ARHGAP26: variants seen among roughly 807,000 people sequenced by gnomAD.
ARHGAP26 encodes Rho GTPase activating protein 26.
Under a neutral mutation model 104.8 loss-of-function variants are expected in ARHGAP26, and 38 were observed. The ratio of observed to expected loss-of-function variants is 0.36; its 90% confidence interval spans 0.28 to 0.48. ARHGAP26 has a LOEUF of 0.48. ARHGAP26 is among the 20% of genes least tolerant of loss of function. The pLI is 0.99. For synonymous variants in ARHGAP26, 341 were observed against 340.0 expected, an observed-to-expected ratio of 1.00 and a Z score of -0.03; for missense variants, 704 against 947.9, an observed-to-expected ratio of 0.74 and a Z score of 3.38.
rs1272664096 is a variant in ARHGAP26 at position 142,798,871 on chromosome 5, T to G, written c.154+27956T>G. Among the ~76,000 whole-genome samples, 10 of 152,314 alleles carry G rather than the reference T, an allele frequency of 6.6e-5. No individual in the cohort carries two copies. The East Asian group carries it at 1.9e-3, about 29-fold the overall frequency. On this transcript the variant is annotated intron_variant, in intron 1 of 22. Coordinates refer to ENST00000645722, the MANE Select transcript of ARHGAP26 (RefSeq NM_001135608.3). Reference sequence around the variant, plus strand: ...AGGGCTGTGGGATATATGGCTGACCTGAGAAAAGAATGCAGCTCTCATTGC... The same window carrying G: ...AGGGCTGTGGGATATATGGCTGACCGGAGAAAAGAATGCAGCTCTCATTGC...
chr5:143,114,895 A>G (rs1795221170), intron 17 of ARHGAP26, among the ~76,000 whole-genome samples: 1 of 152,032 alleles, frequency 6.6e-6, no homozygotes, highest in African/African-American at 2.4e-5. Context: ...TGGGCTTTGT[A>G]TGGTGGGGGA....
At chr5:142,882,314 A>C (rs1473628199) in intron 4 of ARHGAP26, among the ~76,000 whole-genome samples, 1 of 152,214 alleles carries the variant, frequency 6.6e-6, no homozygotes, top group Non-Finnish European at 1.5e-5. Flanking sequence ...AAATGCTTAA[A>C]ACGGTGTCTG....
At chr5:142,932,778 T>G (rs138484319) in intron 11 of ARHGAP26, among the ~76,000 whole-genome samples, 33 of 152,332 alleles carry the variant, frequency 2.2e-4, no homozygotes, top group African/African-American at 7.9e-4. Flanking sequence ...AAGGAAGAAG[T>G]AGGCCATGGG....
intron 19 of ARHGAP26, among the ~76,000 whole-genome samples, chr5:143,134,787 A>T (rs1395098712): frequency 6.6e-6 from 1 of 152,224 alleles, no homozygotes; most frequent in Non-Finnish European, 1.5e-5. Flanking sequence ...GAGAGCCTCC[A>T]TTTGCTCATC....
At chr5:143,190,012 T>A (rs1243244927) in intron 20 of ARHGAP26, among the ~76,000 whole-genome samples, 1 of 150,602 alleles carries the variant, frequency 6.6e-6, no homozygotes, top group Non-Finnish European at 1.5e-5. Context: ...TACTACATCT[T>A]TGGAGGACAG....
chr5:143,030,360 G>A (rs1442169933), intron 12 of ARHGAP26, among the ~76,000 whole-genome samples: 9 of 152,202 alleles, frequency 5.9e-5, no homozygotes, highest in Admixed American at 5.2e-4. Flanking sequence ...CACACCACAT[G>A]CAGCTCAATG....
rs1811476907 is a variant in ARHGAP26, at chr5:143,224,169, T to C, written c.*1723T>C. On this transcript the variant is annotated 3_prime_UTR_variant, in exon 23 of 23. Transcript: ENST00000645722. ...TGATTTGAAATACTATATGGCAAAG[T>C]TTTATATTTGATATTCTTTAAGTTA... 4.3e-6 allele frequency: 1 copy of C among 230,348 alleles called. No homozygotes were observed. Among genetic ancestry groups the C allele is most frequent in the African/African-American group, 2.2e-5 (1 of 45,096 alleles). The allele number at this position is 230,348 out of a possible 1,614,324, so 14.3% of individuals were successfully genotyped here.
rs937133080 is a variant in ARHGAP26, at chr5:142,771,615, A to G, written c.154+700A>G. Among the ~76,000 whole-genome samples the G allele has an allele frequency of 5.3e-5, 8 of 152,364 alleles. No individual in the cohort carries two copies. In the East Asian group the frequency reaches 1.5e-3, roughly 29 times the overall value. Reference sequence around the variant, plus strand: ...AAACTGTGGGCGAGGGTTTAAAAATAGAATGTACATATCCCAACTCTCTCC... The same window carrying G: ...AAACTGTGGGCGAGGGTTTAAAAATGGAATGTACATATCCCAACTCTCTCC... On this transcript the variant is annotated intron_variant, in intron 1 of 22. Transcript: ENST00000645722.
intron 17 of ARHGAP26, among the ~76,000 whole-genome samples, chr5:143,062,669 A>C (rs1213837645): frequency 1.3e-5 from 2 of 152,220 alleles, no homozygotes; most frequent in Non-Finnish European, 2.9e-5. Context: ...TATAAAAAAA[A>C]GTCTTGCCAG....
At chr5:142,841,012 T>G (rs1770683727) in intron 1 of ARHGAP26, among the ~76,000 whole-genome samples, 1 of 152,220 alleles carries the variant, frequency 6.6e-6, no homozygotes, top group Admixed American at 6.5e-5. Flanking sequence ...ACTGGATCTA[T>G]AACAGGTTAT....
At chr5:142,806,955 C>G (rs192703431) in intron 1 of ARHGAP26, among the ~76,000 whole-genome samples, 3 of 152,316 alleles carry the variant, frequency 2.0e-5, no homozygotes, top group African/African-American at 7.2e-5. Flanking sequence ...TGATATAGAA[C>G]AGCAGCACTG....
At chr5:143,007,990 A>G (rs931834114) in intron 11 of ARHGAP26, among the ~76,000 whole-genome samples, 1 of 152,228 alleles carries the variant, frequency 6.6e-6, no homozygotes, top group African/African-American at 2.4e-5. Context: ...TTAGCCATTT[A>G]TCCCATAGGG....
intron 1 of ARHGAP26, chr5:142,771,159 G>A (rs1023075413): frequency 4.6e-6 from 6 of 1,292,040 alleles, no homozygotes; most frequent in Non-Finnish European, 3.9e-6. Context: ...CCCAGCGCGG[G>A]TGGTGCTCTG....
At chr5:143,190,812 T>C (rs1805818690) in intron 20 of ARHGAP26, among the ~76,000 whole-genome samples, 1 of 152,206 alleles carries the variant, frequency 6.6e-6, no homozygotes, top group Admixed American at 6.5e-5. Context: ...ATCTTACTAC[T>C]CAATAAGAAC....
chr5:143,101,389 T>C (rs1793211019), intron 17 of ARHGAP26, among the ~76,000 whole-genome samples: 1 of 152,208 alleles, frequency 6.6e-6, no homozygotes, highest in Admixed American at 6.5e-5. Context: ...ACACCTTCTA[T>C]TTCTGCTCAG....
At chr5:142,845,384 C>A (rs944158004) in intron 1 of ARHGAP26, among the ~76,000 whole-genome samples, 1 of 152,130 alleles carries the variant, frequency 6.6e-6, no homozygotes, top group African/African-American at 2.4e-5. Flanking sequence ...TTAAGAATAG[C>A]AAATGTCCAA....
chr5:143,205,120 C>T (rs1347722021), intron 20 of ARHGAP26, among the ~76,000 whole-genome samples: 2 of 152,100 alleles, frequency 1.3e-5, no homozygotes, highest in Non-Finnish European at 2.9e-5. Flanking sequence ...GGACTCAAGA[C>T]AGAGTCAAGG....
intron 10 of ARHGAP26, among the ~76,000 whole-genome samples, chr5:142,924,954 T>C (rs1436017960): frequency 6.6e-6 from 1 of 152,156 alleles, no homozygotes; most frequent in African/African-American, 2.4e-5. Context: ...ATGGATGACT[T>C]TATAACATGT....
chr5:142,909,504 T>A (rs1006709901), intron 9 of ARHGAP26, among the ~76,000 whole-genome samples: 1 of 152,244 alleles, frequency 6.6e-6, no homozygotes, highest in African/African-American at 2.4e-5. Context: ...TTCCAGTTTT[T>A]CTTCCTGGCT....
Sources: gnomAD v4.1 joint callset for allele counts (sites outside exome capture counted in the v4.1 genomes callset) on GRCh38, gnomAD v4.1.1 for gene constraint, MANE v1.5 for transcripts, NCBI Gene and HGNC (gene_info 2026-07-23, HGNC 2026-07-21) for gene names.